The following RBM47 variants were observed in gnomAD, a reference collection of about 807,000 sequenced individuals.
RBM47 encodes the protein RNA binding motif protein 47.
Under a neutral mutation model 47.1 loss-of-function variants are expected in RBM47, and 21 were observed. The observed-to-expected ratio is 0.45, with a 90% CI of 0.32 to 0.64. The LOEUF (loss-of-function observed/expected upper bound fraction) is 0.64. Among genes scored for constraint, RBM47 ranks in the 30% least tolerant of loss-of-function variants. The pLI is 0.05. For missense variants in RBM47, 708 were observed against 870.9 expected, an observed-to-expected ratio of 0.81 and a Z score of 2.35; for synonymous variants, 375 against 361.7, an observed-to-expected ratio of 1.04 and a Z score of -0.42.
chr4:40,562,461 AT>A (rs67887812), intron 1 of RBM47, among the ~76,000 whole-genome samples: 12,007 of 113,694 alleles, frequency 0.11, 697 homozygotes, highest in African/African-American at 0.27. Context: ...ACTTCTCCCT[AT>A]TTTTTTTTTT....
At chr4:40,547,632 A>C (rs1376043167) in intron 1 of RBM47, among the ~76,000 whole-genome samples, 1 of 152,198 alleles carries the variant, frequency 6.6e-6, no homozygotes, top group African/African-American at 2.4e-5. Flanking sequence ...CCAGGACCAG[A>C]TGAGTCGCAG....
chr4:40,497,041 CA>C (rs10631036), intron 2 of RBM47, among the ~76,000 whole-genome samples: 18,903 of 114,626 alleles, frequency 0.16, 1,248 homozygotes, highest in East Asian at 0.21. Flanking sequence ...AACTCCATCT[CA>C]AAAAAAAAAA....
At chr4:40,609,627 CT>C (rs997287254) in intron 1 of RBM47, among the ~76,000 whole-genome samples, 3 of 151,780 alleles carry the variant, frequency 2.0e-5, no homozygotes, top group Admixed American at 2.0e-4. Context: ...CCTTTTTCTT[CT>C]TTTTTAGCTT....
At chr4:40,612,600 G>A (rs1372132333) in intron 1 of RBM47, among the ~76,000 whole-genome samples, 1 of 152,192 alleles carries the variant, frequency 6.6e-6, no homozygotes, top group African/African-American at 2.4e-5. Flanking sequence ...AAACTAGGAT[G>A]AGCAGTTCTT....
At chr4:40,576,673 GTGAT>G (rs1732367544) in intron 1 of RBM47, among the ~76,000 whole-genome samples, 1 of 152,198 alleles carries the variant, frequency 6.6e-6, no homozygotes, top group South Asian at 2.1e-4. Context: ...CTGGCCTCAA[GTGAT>G]CCTCTTGCCT....
At chr4:40,436,196 AAACAAAC>A (rs796105755) in intron 5 of RBM47, among the ~76,000 whole-genome samples, 8 of 44,842 alleles carry the variant, frequency 1.8e-4, no homozygotes, top group Non-Finnish European at 2.6e-4. Flanking sequence ...ACAAACAAAC[AAACAAAC>A]AAAAAAAAAC....
chr4:40,543,980 T>C (rs1728786077), intron 2 of RBM47: 1 of 151,856 alleles, frequency 6.6e-6, no homozygotes, highest in Admixed American at 6.6e-5. Context: ...ATGCTGGTCA[T>C]TTGGGGATTA....
At chr4:40,592,232 G>A (rs1413225876) in intron 1 of RBM47, among the ~76,000 whole-genome samples, 1 of 151,112 alleles carries the variant, frequency 6.6e-6, no homozygotes, top group Non-Finnish European at 1.5e-5. Flanking sequence ...TACACCACCT[G>A]GTATCACATT....
chr4:40,534,719 G>A (rs998196590), intron 2 of RBM47, among the ~76,000 whole-genome samples: 1 of 152,032 alleles, frequency 6.6e-6, no homozygotes, highest in African/African-American at 2.4e-5. Flanking sequence ...CGGATCACGA[G>A]GTCAGCAGAT....
chr4:40,432,380 T>A (rs1560349510), intron 6 of RBM47, among the ~76,000 whole-genome samples: 1 of 152,164 alleles, frequency 6.6e-6, no homozygotes, highest in Admixed American at 6.5e-5. Flanking sequence ...TTTAAAAAAA[T>A]ATATGCACAA....
At chr4:40,590,964 G>C (rs978477977) in intron 1 of RBM47, among the ~76,000 whole-genome samples, 4 of 152,152 alleles carry the variant, frequency 2.6e-5, no homozygotes, top group African/African-American at 9.7e-5. Flanking sequence ...CACCATGCCT[G>C]GCTAATTTTT....
intron 1 of RBM47, among the ~76,000 whole-genome samples, chr4:40,602,352 CAA>C (rs981422999): frequency 1.3e-5 from 2 of 151,492 alleles, no homozygotes; most frequent in Non-Finnish European, 2.9e-5. Flanking sequence ...CTTTTAGAGC[CAA>C]AACGTAGAAT....
chr4:40,509,150 C>T (rs1172279409), intron 2 of RBM47, among the ~76,000 whole-genome samples: 1 of 122,540 alleles, frequency 8.2e-6, no homozygotes, highest in Non-Finnish European at 1.8e-5. Context: ...ACAGAGTGAG[C>T]CTCCATCTCA....
chr4:40,485,523 T>C (rs533943746), intron 2 of RBM47, among the ~76,000 whole-genome samples: 2 of 152,316 alleles, frequency 1.3e-5, no homozygotes, highest in South Asian at 4.1e-4. Context: ...GGCTTTAGTT[T>C]TATAGACAAA....
At chr4:40,606,546 C>T (rs1174511940) in intron 1 of RBM47, among the ~76,000 whole-genome samples, 10 of 152,158 alleles carry the variant, frequency 6.6e-5, no homozygotes, top group Admixed American at 6.6e-4. Context: ...CACCGACGGC[C>T]CGCCTGGCCC....
chr4:40,469,747 C>T (rs1043016654), intron 2 of RBM47, among the ~76,000 whole-genome samples: 3 of 152,032 alleles, frequency 2.0e-5, no homozygotes, highest in Non-Finnish European at 4.4e-5. Flanking sequence ...CCATGAAAGG[C>T]ACATCTGTGA....
At chr4:40,511,994 G>C (rs1420757899) in intron 2 of RBM47, among the ~76,000 whole-genome samples, 1 of 151,886 alleles carries the variant, frequency 6.6e-6, no homozygotes, top group African/African-American at 2.4e-5. Flanking sequence ...ACCGAATATG[G>C]ATTTTCCTAG....
chr4:40,472,124 AC>A (rs1560397362), intron 2 of RBM47, among the ~76,000 whole-genome samples: 2 of 152,322 alleles, frequency 1.3e-5, no homozygotes, highest in East Asian at 3.9e-4. Context: ...TTTAAACTCT[AC>A]CAGGGAAGAA....
chr4:40,606,036 TA>T (rs564276577), intron 1 of RBM47, among the ~76,000 whole-genome samples: 80 of 129,980 alleles, frequency 6.2e-4, no homozygotes, highest in Admixed American at 8.7e-4. Flanking sequence ...TTTCTCTACT[TA>T]AAAAAAAAAA....
Sources: gnomAD v4.1 joint callset for allele counts (sites outside exome capture counted in the v4.1 genomes callset) on GRCh38, gnomAD v4.1.1 for gene constraint, MANE v1.5 for transcripts, NCBI Gene and HGNC (gene_info 2026-07-23, HGNC 2026-07-21) for gene names.